BAG2: variants seen among roughly 807,000 people sequenced by gnomAD.
The protein encoded by BAG2 is BAG family molecular chaperone regulator 2.
Under a neutral mutation model 16.4 loss-of-function variants are expected in BAG2, and 8 were observed. The observed-to-expected ratio is 0.49, with a 90% CI of 0.29 to 0.88. The LOEUF (loss-of-function observed/expected upper bound fraction) is 0.88, where lower values mean the gene tolerates loss of function less well. Ranked by LOEUF, BAG2 falls within the 40% of genes least tolerant of loss-of-function variation. The pLI is 0.09. For synonymous variants in BAG2, 82 were observed against 89.2 expected, an observed-to-expected ratio of 0.92 and a Z score of 0.46; for missense variants, 218 against 248.9, an observed-to-expected ratio of 0.88 and a Z score of 0.84.
chr6:57,183,763 C>CT lies in BAG2; in HGVS notation c.224-15_224-14insT, dbSNP rs1764541363. On this transcript the variant is annotated splice_polypyrimidine_tract_variant and intron_variant, in intron 2 of 2. Transcript: ENST00000370693. ...TTTTGACACAGATAAGTTTACATCT[C>CT]ATATTGATTTTTAGGAGAAAGAGAA... The CT allele has an allele frequency of 6.5e-7, 1 of 1,537,088 alleles. No homozygotes were observed. The highest frequency in any genetic ancestry group is 2.3e-5 in the East Asian group (1 of 44,144).
At position 57,184,942 on chromosome 6, in the gene BAG2, C is replaced by G. The variant is rs868400383; in HGVS notation, c.*752C>G. On this transcript the variant is annotated 3_prime_UTR_variant, in exon 3 of 3. Transcript: ENST00000370693. ...TCTGCTTAATTGTCAACTTAATGAG[C>G]TCTATTTTGTGTAGTTATATCTTTA... 1.3e-5 allele frequency: 2 copies of G among 152,084 alleles called. No homozygotes were observed. Among genetic ancestry groups the G allele is most frequent in the African/African-American group, 2.4e-5 (1 of 41,392 alleles). The allele number at this position is 152,084 out of a possible 1,614,324, so 9.4% of individuals were successfully genotyped here.
chr6:57,185,105 T>G lies in BAG2; in HGVS notation c.*915T>G, dbSNP rs1764585653. ...AGGCCCAGCAGTGAATTATATTGGG[T>G]CAAAGGATATAGACGTTTTCATGGC... On this transcript the variant is annotated 3_prime_UTR_variant, in exon 3 of 3. Coordinates refer to ENST00000370693, the MANE Select transcript of BAG2 (RefSeq NM_004282.4). The G allele has an allele frequency of 6.6e-6, 1 of 152,202 alleles. No homozygotes were observed. Among genetic ancestry groups the G allele is most frequent in the Admixed American group, 6.5e-5 (1 of 15,284 alleles). 9.4% of individuals were successfully genotyped at this position (152,202 alleles called of 1,614,324 possible).
rs1554308149 is a variant in BAG2, at chr6:57,189,054, G to GTTAT, written c.*4869_*4872dup. On this transcript the variant is annotated 3_prime_UTR_variant, in exon 3 of 3. Coordinates refer to ENST00000370693, the MANE Select transcript of BAG2 (RefSeq NM_004282.4). ...GTAAAAACCAGGTATATTGAAAGGGGTTATTTATAGGTTAAAAATAAAGCC... is the reference window on the plus strand; with the variant it reads ...GTAAAAACCAGGTATATTGAAAGGGGTTATTTATTTATAGGTTAAAAATAAAGCC... 1 of 152,106 alleles carries GTTAT rather than the reference G, an allele frequency of 6.6e-6. No individual in the cohort carries two copies. Among genetic ancestry groups the GTTAT allele is most frequent in the Non-Finnish European group, 1.5e-5 (1 of 68,018 alleles). 9.4% of individuals were successfully genotyped at this position (152,106 alleles called of 1,614,324 possible). A position where few individuals can be genotyped will look rare whatever the true frequency, so the allele number is the denominator to read the frequency against.
Position 57,184,026 on chromosome 6 carries a change from A to G in BAG2, c.472A>G (p.Ile158Val), listed in dbSNP as rs1162294492. The change falls in exon 3 of 3, where the codon ATA becomes GTA. Residue 158 changes from isoleucine to valine, a missense_variant. Transcript: ENST00000370693. ...HGPVDQKFQS[I>V]VIGCALEDQK... ...GCCAGTTGATCAGAAGTTTCAATCC[A>G]TAGTAATTGGCTGTGCTCTTGAAGA... The G allele has an allele frequency of 2.5e-6, 4 of 1,613,308 alleles. No homozygotes were observed. The highest frequency in any genetic ancestry group is 2.2e-5 in the East Asian group (1 of 44,888).
rs868367921 is a variant in BAG2, at chr6:57,179,020, A to C, written c.114-3012A>C. Among the ~76,000 whole-genome samples, 46 of 152,348 alleles carry C rather than the reference A, an allele frequency of 3.0e-4. 1 individual carries two copies. Among genetic ancestry groups the C allele is most frequent in the East Asian group, 1.2e-3 (6 of 5,188 alleles). On this transcript the variant is annotated intron_variant, in intron 1 of 2. Transcript: ENST00000370693. ...ATCTTACAATTGAATACAAACCGAA[A>C]AGGTGTTGAAAAATTAATCTCTTCT...
At position 57,185,379 on chromosome 6, in the gene BAG2, C is replaced by T. The variant is rs1025685415; in HGVS notation, c.*1189C>T. ...TGATATACAAAAACCACAACAACTT[C>T]CCTGGATACTATTTTGAAATGAACA... On this transcript the variant is annotated 3_prime_UTR_variant, in exon 3 of 3. Coordinates refer to ENST00000370693, the MANE Select transcript of BAG2 (RefSeq NM_004282.4). 6.6e-6 allele frequency: 1 copy of T among 152,138 alleles called. No individual in the cohort carries two copies. Among genetic ancestry groups the T allele is most frequent in the Non-Finnish European group, 1.5e-5 (1 of 68,020 alleles). 9.4% of individuals were successfully genotyped at this position (152,138 alleles called of 1,614,324 possible). A position where few individuals can be genotyped will look rare whatever the true frequency, so the allele number is the denominator to read the frequency against.
At chr6:57,178,231 CAG>C (rs1364748001) in intron 1 of BAG2, among the ~76,000 whole-genome samples, 1 of 152,014 alleles carries the variant, frequency 6.6e-6, no homozygotes, top group Non-Finnish European at 1.5e-5. Context: ...GAAGGGGAGA[CAG>C]GGAATATTCA....
At position 57,187,512 on chromosome 6, in the gene BAG2, C is replaced by T. The variant is rs1593200326; in HGVS notation, c.*3322C>T. On this transcript the variant is annotated 3_prime_UTR_variant, in exon 3 of 3. Coordinates refer to ENST00000370693, the MANE Select transcript of BAG2 (RefSeq NM_004282.4). The stretch of plus-strand genomic sequence containing the variant: ...CATGTGGAACAAGCTTTCACCTCAT[C>T]AATGCATTTTGTTTTCAGAGAAACA... 1.3e-5 allele frequency: 2 copies of T among 152,228 alleles called. No individual in the cohort carries two copies. The highest frequency in any genetic ancestry group is 3.9e-4 in the East Asian group (2 of 5,184). 9.4% of individuals were successfully genotyped at this position (152,228 alleles called of 1,614,324 possible). A position where few individuals can be genotyped will look rare whatever the true frequency, so the allele number is the denominator to read the frequency against.
intron 1 of BAG2, among the ~76,000 whole-genome samples, chr6:57,180,278 G>A (rs940829876): frequency 3.3e-5 from 5 of 152,148 alleles, no homozygotes; most frequent in African/African-American, 1.2e-4. Flanking sequence ...TTATAAAGAT[G>A]TCTAATTTCT....
intron 1 of BAG2, chr6:57,173,074 A>T: frequency 1.1e-6 from 1 of 933,264 alleles, no homozygotes; most frequent in Non-Finnish European, 1.4e-6. Flanking sequence ...ACTTTGATTA[A>T]TTTACCTAGG....
chr6:57,189,351 T>C lies in BAG2; in HGVS notation c.*5161T>C, dbSNP rs937824774. ...TAGAGTTGCAGGGCATTATAAAATA[T>C]GTAATTTTAGTTAAGACTAATAATA... On this transcript the variant is annotated 3_prime_UTR_variant, in exon 3 of 3. Coordinates refer to ENST00000370693, the MANE Select transcript of BAG2 (RefSeq NM_004282.4). 4 of 152,228 alleles carry C rather than the reference T, an allele frequency of 2.6e-5. No homozygotes were observed. The highest frequency in any genetic ancestry group is 4.4e-5 in the Non-Finnish European group (3 of 68,038). 9.4% of individuals were successfully genotyped at this position (152,228 alleles called of 1,614,324 possible).
chr6:57,174,586 CT>C (rs921701909), intron 1 of BAG2, among the ~76,000 whole-genome samples: 1 of 151,952 alleles, frequency 6.6e-6, no homozygotes, highest in South Asian at 2.1e-4. Flanking sequence ...ATTTCAAGGA[CT>C]TTTTTTTAGT....
At chr6:57,178,346 G>A (rs1273992173) in intron 1 of BAG2, among the ~76,000 whole-genome samples, 5 of 152,122 alleles carry the variant, frequency 3.3e-5, no homozygotes, top group African/African-American at 9.7e-5. Flanking sequence ...CAGTACAAAC[G>A]TTACTTAAAC....
chr6:57,182,833 T>A (rs909664538), intron 2 of BAG2, among the ~76,000 whole-genome samples: 4 of 152,096 alleles, frequency 2.6e-5, no homozygotes, highest in Non-Finnish European at 4.4e-5. Flanking sequence ...ATATTTTTAG[T>A]AAAGACAGGG....
chr6:57,181,297 G>A (rs149749595), intron 1 of BAG2, among the ~76,000 whole-genome samples: 80 of 152,306 alleles, frequency 5.3e-4, no homozygotes, highest in African/African-American at 1.9e-3. Context: ...ATGAGAAGCT[G>A]GTAGACAACC....
rs116163209 is a variant in BAG2, at chr6:57,184,065, A to C, written c.511A>C (p.Lys171Gln). 6.2e-7 allele frequency: 1 copy of C among 1,612,728 alleles called. No homozygotes were observed. The highest frequency in any genetic ancestry group is 1.3e-5 in the African/African-American group (1 of 74,918). ...TGCTCTTGAAGATCAGAAGAAAATTAAGAGAAGATTAGAGACTCTGCTTAG... is the reference window on the plus strand; with the variant it reads ...TGCTCTTGAAGATCAGAAGAAAATTCAGAGAAGATTAGAGACTCTGCTTAG... ...GCALEDQKKI[K>Q]RRLETLLRNI... Residue 171 changes from lysine (K) to glutamine (Q), a missense_variant, in exon 3 of 3, where the codon AAG becomes CAG. Physicochemically the swap from Lys to Gln is moderately conservative, Grantham distance 53. Transcript: ENST00000370693.
intron 1 of BAG2, 115 bp downstream of exon 1, chr6:57,172,925 CG>C: frequency 1.1e-6 from 1 of 931,466 alleles, no homozygotes; most frequent in Non-Finnish European, 1.5e-6. Context: ...AGTGAGGCTG[CG>C]GCAACCGAAG....
chr6:57,174,517 T>TA (rs1764224149), intron 1 of BAG2: 2 of 749,742 alleles, frequency 2.7e-6, no homozygotes, highest in African/African-American at 3.7e-5. Flanking sequence ...GTGATTAAAT[T>TA]ACAACTTGCT....
At chr6:57,174,077 C>A in intron 1 of BAG2, 1 of 452,776 alleles carries the variant, frequency 2.2e-6, no homozygotes, top group Non-Finnish European at 3.1e-6. Flanking sequence ...AGAAGTAATG[C>A]TTCCTCATGG....
Sources: allele counts gnomAD v4.1 joint callset (sites outside exome capture counted in the v4.1 genomes callset), GRCh38; gene constraint gnomAD v4.1.1; transcripts MANE v1.5; gene names NCBI Gene and HGNC (gene_info 2026-07-23, HGNC 2026-07-21).